Variants in SEMA6D observed in about 807,000 individuals in gnomAD.
SEMA6D encodes the protein semaphorin 6D, also known as semaphorin-6D.
Under a neutral mutation model 106.6 loss-of-function variants are expected in SEMA6D, and 35 were observed. The observed-to-expected ratio is 0.33, with a 90% confidence interval of 0.25 to 0.44. The LOEUF is 0.44. SEMA6D is among the 20% of genes least tolerant of loss of function. SEMA6D has a pLI of 1.00. For missense variants in SEMA6D, 1,185 were observed against 1,345.9 expected, an observed-to-expected ratio of 0.88 and a Z score of 1.87; for synonymous variants, 499 against 487.7, an observed-to-expected ratio of 1.02 and a Z score of -0.31.
At chr15:47,282,269 T>C (rs1392214442) in intron 1 of SEMA6D, among the ~76,000 whole-genome samples, 1 of 152,204 alleles carries the variant, frequency 6.6e-6, no homozygotes, top group East Asian at 1.9e-4. Flanking sequence ...TCTAGTAGCA[T>C]AGATGCTTTT....
At chr15:47,339,386 A>G (rs1243014408) in intron 1 of SEMA6D, among the ~76,000 whole-genome samples, 6 of 152,130 alleles carry the variant, frequency 3.9e-5, no homozygotes. Context: ...ATGTGACACC[A>G]TCTCCAGGTA....
chr15:47,734,847 C>T (rs2080351789), intron 1 of SEMA6D, among the ~76,000 whole-genome samples: 1 of 152,180 alleles, frequency 6.6e-6, no homozygotes, highest in African/African-American at 2.4e-5. Context: ...TAGCACTCTT[C>T]TTGAGAAAGT....
chr15:47,188,295 C>T (rs1216207938), intron 1 of SEMA6D, among the ~76,000 whole-genome samples: 2 of 152,132 alleles, frequency 1.3e-5, no homozygotes, highest in East Asian at 3.8e-4. Context: ...TAAATTTAGT[C>T]TTCTCTTTCA....
intron 1 of SEMA6D, among the ~76,000 whole-genome samples, chr15:47,391,771 C>T (rs1185226203): frequency 6.6e-6 from 1 of 151,074 alleles, no homozygotes; most frequent in Non-Finnish European, 1.5e-5. Context: ...ATGCAAGGGT[C>T]ATTAGAATAA....
intron 2 of SEMA6D, among the ~76,000 whole-genome samples, chr15:47,432,705 A>G (rs563765398): frequency 2.6e-5 from 4 of 152,232 alleles, no homozygotes; most frequent in Admixed American, 2.6e-4. Context: ...AACTGAGCTG[A>G]AAAGACCATG....
chr15:47,568,651 A>G (rs529539009), intron 3 of SEMA6D, among the ~76,000 whole-genome samples: 1 of 152,164 alleles, frequency 6.6e-6, no homozygotes, highest in East Asian at 1.9e-4. Context: ...TGATGAGCAT[A>G]TAAGTATTTA....
At chr15:47,361,741 C>T (rs1374758534) in intron 1 of SEMA6D, among the ~76,000 whole-genome samples, 1 of 152,174 alleles carries the variant, frequency 6.6e-6, no homozygotes, top group Non-Finnish European at 1.5e-5. Flanking sequence ...GGCCCTGTGC[C>T]TCTATTGCAG....
At chr15:47,448,276 A>T (rs1159812196) in intron 2 of SEMA6D, among the ~76,000 whole-genome samples, 2 of 152,132 alleles carry the variant, frequency 1.3e-5, no homozygotes, top group Non-Finnish European at 2.9e-5. Context: ...TGTGACAATG[A>T]AATGGAGAAG....
chr15:47,460,455 G>A (rs1198432055), intron 2 of SEMA6D, among the ~76,000 whole-genome samples: 1 of 152,044 alleles, frequency 6.6e-6, no homozygotes, highest in Non-Finnish European at 1.5e-5. Flanking sequence ...ACAAAATGAT[G>A]AGTACCCGAC....
chr15:47,451,659 C>A (rs1332374285), intron 2 of SEMA6D, among the ~76,000 whole-genome samples: 1 of 151,984 alleles, frequency 6.6e-6, no homozygotes, highest in East Asian at 1.9e-4. Context: ...GGTTTATAAC[C>A]TGGAATTCTA....
At chr15:47,662,019 A>C (rs978403598) in intron 4 of SEMA6D, among the ~76,000 whole-genome samples, 1 of 152,160 alleles carries the variant, frequency 6.6e-6, no homozygotes, top group Non-Finnish European at 1.5e-5. Context: ...GTGGTCTGCA[A>C]ATCCCAGCTA....
At chr15:47,233,894 G>A (rs984676956) in intron 1 of SEMA6D, among the ~76,000 whole-genome samples, 3 of 151,896 alleles carry the variant, frequency 2.0e-5, no homozygotes, top group African/African-American at 7.3e-5. Context: ...TTTTCAAACT[G>A]CATGTCTTTT....
chr15:47,367,678 ACG>A (rs144860630), intron 1 of SEMA6D, among the ~76,000 whole-genome samples: 9 of 137,636 alleles, frequency 6.5e-5, no homozygotes, highest in East Asian at 2.1e-4. Flanking sequence ...GCACGCTCAC[ACG>A]CGCGCGCGCG....
intron 1 of SEMA6D, among the ~76,000 whole-genome samples, chr15:47,240,876 C>G: frequency 6.6e-6 from 1 of 152,144 alleles, no homozygotes; most frequent in East Asian, 1.9e-4. Context: ...CTACTGATGA[C>G]TGTTTGGGGA....
intron 4 of SEMA6D, among the ~76,000 whole-genome samples, chr15:47,662,499 T>C (rs1306125659): frequency 6.6e-6 from 1 of 152,202 alleles, no homozygotes; most frequent in East Asian, 1.9e-4. Context: ...AATTCTGTTA[T>C]TAGTTCACAA....
chr15:47,420,840 G>A (rs1294805944), intron 2 of SEMA6D, among the ~76,000 whole-genome samples: 1 of 152,068 alleles, frequency 6.6e-6, no homozygotes, highest in African/African-American at 2.4e-5. Context: ...GTAATTTTCT[G>A]TTTGTGACCT....
chr15:47,403,007 C>T (rs2040447625), intron 1 of SEMA6D, among the ~76,000 whole-genome samples: 1 of 152,140 alleles, frequency 6.6e-6, no homozygotes, highest in Non-Finnish European at 1.5e-5. Flanking sequence ...CTGTTCACAG[C>T]AGAATCACAA....
At chr15:47,749,675 A>G (rs1336780506) in intron 1 of SEMA6D, among the ~76,000 whole-genome samples, 2 of 152,216 alleles carry the variant, frequency 1.3e-5, no homozygotes, top group African/African-American at 4.8e-5. Context: ...TAAAATGCCT[A>G]TATTTTACGA....
At chr15:47,737,662 A>C (rs992835425) in intron 1 of SEMA6D, among the ~76,000 whole-genome samples, 5 of 152,122 alleles carry the variant, frequency 3.3e-5, no homozygotes, top group African/African-American at 1.2e-4. Context: ...AGTGTAATAT[A>C]CTTTTAACTG....
Sources: gnomAD v4.1 joint callset for allele counts (sites outside exome capture counted in the v4.1 genomes callset) on GRCh38, gnomAD v4.1.1 for gene constraint, MANE v1.5 for transcripts, NCBI Gene and HGNC (gene_info 2026-07-23, HGNC 2026-07-21) for gene names.